Variants in CDH12 observed in about 807,000 individuals in gnomAD.
CDH12 encodes the protein cadherin-12.
In CDH12, 41 loss-of-function variants were observed where a neutral mutation model predicts 74.1. That is an observed-to-expected ratio of 0.55 (90% confidence interval 0.43 to 0.72). CDH12 has a LOEUF of 0.72. CDH12 is among the 30% of genes least tolerant of loss of function. The pLI is 0.00. For synonymous variants in CDH12, 399 were observed against 355.0 expected (o/e 1.12, Z -1.39); for missense variants, 945 against 977.2 (o/e 0.97, Z 0.44).
intron 3 of CDH12, among the ~76,000 whole-genome samples, chr5:22,273,294 C>T (rs1736487069): frequency 6.6e-6 from 1 of 152,084 alleles, no homozygotes; most frequent in South Asian, 2.1e-4. Flanking sequence ...CAAAATATGA[C>T]ACAGAGATAT....
At chr5:21,867,046 G>C (rs1418404923) in intron 6 of CDH12, among the ~76,000 whole-genome samples, 1 of 152,164 alleles carries the variant, frequency 6.6e-6, no homozygotes, top group Non-Finnish European at 1.5e-5. Context: ...GAGCCTGCCA[G>C]TGCACAGAAA....
intron 12 of CDH12, among the ~76,000 whole-genome samples, chr5:21,761,647 A>G (rs1160845053): frequency 6.6e-6 from 1 of 152,054 alleles, no homozygotes; most frequent in Non-Finnish European, 1.5e-5. Context: ...TTAAAACCCA[A>G]TCTATGACTA....
chr5:22,410,024 C>G (rs758644062), intron 2 of CDH12, among the ~76,000 whole-genome samples: 1 of 152,044 alleles, frequency 6.6e-6, no homozygotes, highest in African/African-American at 2.4e-5. Flanking sequence ...ATTTTTCTCA[C>G]TAGTTTAATT....
intron 3 of CDH12, among the ~76,000 whole-genome samples, chr5:22,258,311 C>A (rs912953571): frequency 6.6e-6 from 1 of 152,020 alleles, no homozygotes; most frequent in Non-Finnish European, 1.5e-5. Context: ...TTTTGAAAGA[C>A]AAAAGGCTGG....
At chr5:22,007,383 T>C (rs1397504582) in intron 5 of CDH12, among the ~76,000 whole-genome samples, 1 of 152,170 alleles carries the variant, frequency 6.6e-6, no homozygotes, top group Non-Finnish European at 1.5e-5. Context: ...ATTAATTAGC[T>C]TGATTTAGCC....
intron 1 of CDH12, among the ~76,000 whole-genome samples, chr5:22,622,840 T>A (rs1386219639): frequency 6.6e-6 from 1 of 152,154 alleles, no homozygotes; most frequent in East Asian, 1.9e-4. Flanking sequence ...ATCATCCTGA[T>A]ACCAAAGCCT....
chr5:22,284,585 C>G (rs1466753553), intron 3 of CDH12, among the ~76,000 whole-genome samples: 1 of 152,116 alleles, frequency 6.6e-6, no homozygotes, highest in Non-Finnish European at 1.5e-5. Context: ...TGAAAGCAAA[C>G]TAGGAAATAG....
At chr5:21,937,312 T>C (rs2150086504) in intron 6 of CDH12, among the ~76,000 whole-genome samples, 1 of 152,306 alleles carries the variant, frequency 6.6e-6, no homozygotes, top group East Asian at 1.9e-4. Flanking sequence ...AGTGTGATTA[T>C]ATTTGCTTTT....
chr5:22,217,621 T>C (rs895671539), intron 3 of CDH12, among the ~76,000 whole-genome samples: 3 of 151,720 alleles, frequency 2.0e-5, no homozygotes, highest in African/African-American at 7.2e-5. Context: ...AAATAATATG[T>C]AAAACTTTAA....
intron 3 of CDH12, among the ~76,000 whole-genome samples, chr5:22,282,302 C>T (rs1736923813): frequency 6.6e-6 from 1 of 152,028 alleles, no homozygotes; most frequent in Admixed American, 6.6e-5. Context: ...TAGCAGAAAA[C>T]CTAGGCAATA....
chr5:22,112,243 G>T (rs1489824402), intron 4 of CDH12, among the ~76,000 whole-genome samples: 6 of 151,926 alleles, frequency 3.9e-5, no homozygotes, highest in African/African-American at 1.4e-4. Context: ...GATAAGCCTG[G>T]GATGCTTTTT....
chr5:21,777,530 T>A (rs1422308391), intron 11 of CDH12, among the ~76,000 whole-genome samples: 1 of 151,962 alleles, frequency 6.6e-6, no homozygotes, highest in African/African-American at 2.4e-5. Flanking sequence ...ACTAACATTT[T>A]TTTTTTTTTT....
chr5:22,495,476 G>A (rs934305482), intron 2 of CDH12, among the ~76,000 whole-genome samples: 4 of 152,224 alleles, frequency 2.6e-5, no homozygotes, highest in Middle Eastern at 6.8e-3. Context: ...TGTATCCAAG[G>A]ACCTTATGTC....
chr5:22,516,181 T>C (rs1736799667), intron 1 of CDH12, among the ~76,000 whole-genome samples: 1 of 152,138 alleles, frequency 6.6e-6, no homozygotes, highest in Non-Finnish European at 1.5e-5. Flanking sequence ...TGGCCAATGT[T>C]GAGAATGTGG....
chr5:22,211,167 A>T (rs1180780063), intron 4 of CDH12, among the ~76,000 whole-genome samples: 1 of 152,144 alleles, frequency 6.6e-6, no homozygotes. Context: ...GTCCCATCTC[A>T]AGAGATCCAT....
chr5:22,276,752 T>C (rs35083402), intron 3 of CDH12, among the ~76,000 whole-genome samples: 64,529 of 152,094 alleles, frequency 0.42, 14,652 homozygotes, highest in Admixed American at 0.53. Context: ...AGTGGCGCGA[T>C]CTCAGCTCAC....
chr5:22,112,903 A>G lies in CDH12; in HGVS notation c.-186-34041T>C, dbSNP rs572744409. On this transcript the variant is annotated intron_variant, in intron 4 of 14. Transcript: ENST00000382254. The stretch of plus-strand genomic sequence containing the variant: ...GGCAGTTTAACAGAACGTTCATCTT[A>G]TAATGTGAGAGAATATAAGCAAAGA... 3.3e-5 allele frequency among the ~76,000 whole-genome samples: 5 copies of G among 152,324 alleles called. No homozygotes were observed. In the South Asian group the frequency reaches 8.3e-4, roughly 25 times the overall value.
At chr5:21,794,534 GGTTT>G (rs1280132553) in intron 10 of CDH12, among the ~76,000 whole-genome samples, 2 of 151,354 alleles carry the variant, frequency 1.3e-5, no homozygotes, top group Non-Finnish European at 3.0e-5. Flanking sequence ...TCCTTTTATT[GGTTT>G]GTTTGTTTCT....
chr5:22,541,729 C>T (rs1738109697), intron 1 of CDH12, among the ~76,000 whole-genome samples: 1 of 152,186 alleles, frequency 6.6e-6, no homozygotes, highest in African/African-American at 2.4e-5. Context: ...TCCAGAGATT[C>T]AAAGGAGAGA....
Sources: gnomAD v4.1 joint callset for allele counts (sites outside exome capture counted in the v4.1 genomes callset) on GRCh38, gnomAD v4.1.1 for gene constraint, MANE v1.5 for transcripts, NCBI Gene and HGNC (gene_info 2026-07-23, HGNC 2026-07-21) for gene names.